The following KIF13A variants were observed in gnomAD, a reference collection of about 807,000 sequenced individuals.
KIF13A encodes kinesin family member 13A, also known as kinesin-like protein KIF13A.
In KIF13A, 79 loss-of-function variants were observed where a neutral mutation model predicts 212.2. That is an observed-to-expected ratio of 0.37 (90% CI 0.31 to 0.45). The LOEUF (loss-of-function observed/expected upper bound fraction) is 0.45. KIF13A is among the 20% of genes least tolerant of loss of function. KIF13A has a pLI of 1.00. For missense variants in KIF13A, 1,901 were observed against 2,209.0 expected (o/e 0.86, Z 2.79); for synonymous variants, 789 against 808.6 (o/e 0.98, Z 0.41).
At chr6:17,978,425 C>T (rs1561832811) in intron 2 of KIF13A, among the ~76,000 whole-genome samples, 1 of 152,206 alleles carries the variant, frequency 6.6e-6, no homozygotes, top group Non-Finnish European at 1.5e-5. Context: ...TAAATCAACT[C>T]TTGTTTTAAT....
chr6:17,937,370 C>T (rs995226209), intron 2 of KIF13A, among the ~76,000 whole-genome samples: 5 of 152,170 alleles, frequency 3.3e-5, no homozygotes, highest in Admixed American at 1.3e-4. Flanking sequence ...CCTGAGGTTG[C>T]ATTGATCTCG....
intron 2 of KIF13A, among the ~76,000 whole-genome samples, chr6:17,932,603 T>C (rs905464281): frequency 9.9e-5 from 15 of 152,210 alleles, no homozygotes; most frequent in Admixed American, 3.3e-4. Context: ...AACAGTTCTC[T>C]GACCCACCAA....
chr6:17,909,357 G>A (rs546399416), intron 2 of KIF13A, among the ~76,000 whole-genome samples: 25 of 151,998 alleles, frequency 1.6e-4, no homozygotes, highest in African/African-American at 2.9e-4. Flanking sequence ...CCAACATGGC[G>A]AAACCCTGTC....
At chr6:17,877,945 T>G (rs1770717442) in intron 3 of KIF13A, among the ~76,000 whole-genome samples, 1 of 152,218 alleles carries the variant, frequency 6.6e-6, no homozygotes, top group African/African-American at 2.4e-5. Context: ...CACTTATCCA[T>G]TCACAAATAT....
chr6:17,781,430 C>T (rs1443593554), intron 29 of KIF13A, 129 bp from the exon 30 acceptor site: 6 of 923,532 alleles, frequency 6.5e-6, no homozygotes, highest in Non-Finnish European at 9.3e-6. Context: ...TTCTTTCATT[C>T]CTTATTCTGC....
intron 25 of KIF13A, among the ~76,000 whole-genome samples, chr6:17,793,012 C>T (rs1761727352): frequency 6.6e-6 from 1 of 152,148 alleles, no homozygotes; most frequent in South Asian, 2.1e-4. Flanking sequence ...GTTCCTAATT[C>T]ATATCTGGTA....
At chr6:17,881,736 C>A in intron 3 of KIF13A, 1 of 339,774 alleles carries the variant, frequency 2.9e-6, no homozygotes, top group South Asian at 2.3e-5. Flanking sequence ...GGGCTCACGG[C>A]TGTAACCCTA....
intron 2 of KIF13A, among the ~76,000 whole-genome samples, chr6:17,925,089 C>T (rs1159813145): frequency 6.6e-6 from 1 of 152,170 alleles, no homozygotes; most frequent in Admixed American, 6.5e-5. Flanking sequence ...AATATATCAA[C>T]AAATGCTTCC....
At chr6:17,905,752 C>G (rs938505990) in intron 2 of KIF13A, among the ~76,000 whole-genome samples, 1 of 152,134 alleles carries the variant, frequency 6.6e-6, no homozygotes, top group Non-Finnish European at 1.5e-5. Context: ...GTGCAAAAAT[C>G]ACCAGAGAAC....
Position 17,922,015 on chromosome 6 carries a change from A to AT in KIF13A, c.147-23836dup, listed in dbSNP as rs1358755030. 2.0e-5 allele frequency among the ~76,000 whole-genome samples: 3 copies of AT among 152,296 alleles called. No individual in the cohort carries two copies. The East Asian group carries it at 5.8e-4, about 29-fold the overall frequency. On this transcript the variant is annotated intron_variant, in intron 2 of 38. Transcript: ENST00000259711. ...TCAAACACAATACATTGAACTTTTA[A>AT]TTAACAACACTGGAAGCATTTTTGG... is the stretch of plus-strand genomic sequence containing the variant.
At position 17,838,324 on chromosome 6, in the gene KIF13A, A is replaced by C. The variant is rs1189011396; in HGVS notation, c.831-741T>G. On this transcript the variant is annotated intron_variant, in intron 9 of 38. Coordinates refer to ENST00000259711, the MANE Select transcript of KIF13A (RefSeq NM_022113.6). The surrounding 1 kb of genome is among the most constrained non-coding windows in gnomAD (Gnocchi z 4.2). ...CGACAGAGCAAGACTCCATCTCAAA[A>C]AAAAAAAAAAGTTAAATGCTACTAC... 6.6e-6 allele frequency among the ~76,000 whole-genome samples: 1 copy of C among 152,066 alleles called. No individual in the cohort carries two copies. The highest frequency in any genetic ancestry group is 1.9e-4 in the East Asian group (1 of 5,202).
Position 17,912,505 on chromosome 6 carries a change from T to C in KIF13A, c.147-14325A>G, listed in dbSNP as rs1395156422. ...AGCCTGGACTTCCCTGGCTTCCAAC[T>C]GTTCTCACCCTAAGCACTTATTAGC... is the stretch of plus-strand genomic sequence containing the variant. On this transcript the variant is annotated intron_variant, in intron 2 of 38. Coordinates refer to ENST00000259711, the MANE Select transcript of KIF13A (RefSeq NM_022113.6). This position sits in a 1 kb window ranked among gnomAD's most constrained non-coding sequence, Gnocchi z 4.2. Among the ~76,000 whole-genome samples, 2 of 152,226 alleles carry C rather than the reference T, an allele frequency of 1.3e-5. No individual in the cohort carries two copies. Among genetic ancestry groups the C allele is most frequent in the Non-Finnish European group, 2.9e-5 (2 of 68,040 alleles).
At chr6:17,983,909 T>C (rs576078467) in intron 2 of KIF13A, among the ~76,000 whole-genome samples, 9 of 152,310 alleles carry the variant, frequency 5.9e-5, no homozygotes, top group Admixed American at 2.0e-4. Flanking sequence ...CTCCTCGTCT[T>C]GCAAAAGTGA....
intron 2 of KIF13A, among the ~76,000 whole-genome samples, chr6:17,924,674 G>C (rs900685357): frequency 6.6e-6 from 1 of 152,170 alleles, no homozygotes; most frequent in African/African-American, 2.4e-5. Context: ...CAAGGACAAA[G>C]AGTTATAGGA....
intron 2 of KIF13A, among the ~76,000 whole-genome samples, chr6:17,965,119 G>A (rs1374381281): frequency 2.0e-5 from 3 of 152,266 alleles, no homozygotes; most frequent in South Asian, 2.1e-4. Context: ...ATGAGCCACT[G>A]CACCGGGCCA....
At chr6:17,902,102 G>A (rs546235117) in intron 2 of KIF13A, among the ~76,000 whole-genome samples, 2 of 152,304 alleles carry the variant, frequency 1.3e-5, no homozygotes, top group South Asian at 4.1e-4. Flanking sequence ...TACAGAAAGA[G>A]GCAATGATTT....
chr6:17,814,245 C>T (rs1763712974), intron 17 of KIF13A, among the ~76,000 whole-genome samples: 2 of 119,908 alleles, frequency 1.7e-5, no homozygotes, highest in African/African-American at 3.1e-5. Flanking sequence ...GCTACAGTGC[C>T]CGGCTTTTTT....
intron 12 of KIF13A, among the ~76,000 whole-genome samples, chr6:17,833,523 A>G (rs1765647794): frequency 7.1e-6 from 1 of 140,788 alleles, no homozygotes; most frequent in Non-Finnish European, 1.5e-5. Flanking sequence ...AAAAAAAGTG[A>G]TCTTTGCAAT....
chr6:17,902,536 C>T (rs976706553), intron 2 of KIF13A, among the ~76,000 whole-genome samples: 1 of 152,146 alleles, frequency 6.6e-6, no homozygotes, highest in African/African-American at 2.4e-5. Flanking sequence ...GTCACCCACA[C>T]CATGAGTTTT....
Sources: gnomAD v4.1 joint callset for allele counts (sites outside exome capture counted in the v4.1 genomes callset) on GRCh38, gnomAD v4.1.1 for gene constraint, Gnocchi (gnomAD v3.1) non-coding constraint, MANE v1.5 for transcripts, NCBI Gene and HGNC (gene_info 2026-07-23, HGNC 2026-07-21) for gene names.